The following SLC9A9 variants were observed in gnomAD, a reference collection of about 807,000 sequenced individuals.
SLC9A9 encodes sodium/hydrogen exchanger 9.
In SLC9A9, 62 loss-of-function variants were observed where a neutral mutation model predicts 77.8. The ratio of observed to expected loss-of-function variants is 0.80; its 90% CI spans 0.65 to 0.98. The LOEUF (loss-of-function observed/expected upper bound fraction) is 0.98, where lower values mean the gene tolerates loss of function less well. Among genes scored for constraint, SLC9A9 ranks in the 50% least tolerant of loss-of-function variants. The probability of loss-of-function intolerance (pLI) is 0.00; values close to 1 mark genes in which losing one functional copy is unlikely to be tolerated. For missense variants in SLC9A9, 775 were observed against 774.9 expected (o/e 1.00, Z 0.00); for synonymous variants, 320 against 283.5 (o/e 1.13, Z -1.29).
At chr3:143,777,990 G>A (rs921860747) in intron 4 of SLC9A9, among the ~76,000 whole-genome samples, 1 of 123,586 alleles carries the variant, frequency 8.1e-6, no homozygotes, top group Non-Finnish European at 1.6e-5. Flanking sequence ...TGGGATTACA[G>A]GCATGAGCCA....
At chr3:143,546,554 G>A (rs1476256208) in intron 9 of SLC9A9, among the ~76,000 whole-genome samples, 4 of 152,062 alleles carry the variant, frequency 2.6e-5, no homozygotes, top group Non-Finnish European at 4.4e-5. Flanking sequence ...TAATAAATAC[G>A]GCCAAACATC....
intron 4 of SLC9A9, among the ~76,000 whole-genome samples, chr3:143,774,306 T>C (rs2007622436): frequency 6.6e-6 from 1 of 152,206 alleles, no homozygotes; most frequent in African/African-American, 2.4e-5. Flanking sequence ...GGCCCAGTGA[T>C]ATATTTTATT....
At chr3:143,711,859 G>T (rs1393858311) in intron 4 of SLC9A9, among the ~76,000 whole-genome samples, 3 of 152,218 alleles carry the variant, frequency 2.0e-5, no homozygotes, top group African/African-American at 7.2e-5. Context: ...TTATTCACAA[G>T]TGTCTCTGAC....
intron 2 of SLC9A9, among the ~76,000 whole-genome samples, chr3:143,811,287 G>A (rs767989998): frequency 2.6e-5 from 4 of 152,222 alleles, no homozygotes; most frequent in African/African-American, 4.8e-5. Context: ...GCTCAAGTGT[G>A]TGCATTTCTT....
In SLC9A9 at chr3:143,449,693, AT is replaced by A. The variant is rs2034943296; in HGVS notation, c.1469+17343del. Among the ~76,000 whole-genome samples the A allele has an allele frequency of 4.3e-5, 2 of 46,554 alleles. 1 individual carries two copies. The highest frequency in any genetic ancestry group is 6.6e-5 in the Non-Finnish European group (2 of 30,464). The allele number at this position is 46,554 out of a possible 152,430, so 30.5% of individuals were successfully genotyped here. ...ATATTATATAATTATATAAAATATA[AT>A]TATATTATATAATTATATAAAATAT... On this transcript the variant is annotated intron_variant, in intron 12 of 15. Transcript: ENST00000316549.
chr3:143,383,135 C>G (rs2033342759), intron 12 of SLC9A9, among the ~76,000 whole-genome samples: 1 of 152,178 alleles, frequency 6.6e-6, no homozygotes. Context: ...ATGAAAACTG[C>G]ATTTTATACA....
At chr3:143,418,892 T>A (rs752964627) in intron 12 of SLC9A9, among the ~76,000 whole-genome samples, 13 of 152,180 alleles carry the variant, frequency 8.5e-5, no homozygotes, top group Non-Finnish European at 1.8e-4. Context: ...CAGGGATGTG[T>A]GCCCACTGTG....
chr3:143,511,386 T>C (rs982865979), intron 9 of SLC9A9, among the ~76,000 whole-genome samples: 1 of 152,210 alleles, frequency 6.6e-6, no homozygotes, highest in Admixed American at 6.5e-5. Flanking sequence ...CTCTCAGTTA[T>C]GCAGTCCCTC....
intron 14 of SLC9A9, among the ~76,000 whole-genome samples, chr3:143,328,170 C>T (rs1461008955): frequency 6.6e-6 from 1 of 152,164 alleles, no homozygotes; most frequent in East Asian, 1.9e-4. Flanking sequence ...GAATGCATAA[C>T]ACAACCTCAA....
rs916556523 is a variant in SLC9A9, at chr3:143,334,159, A to G, written c.1604+29325T>C. On this transcript the variant is annotated intron_variant, in intron 14 of 15. Coordinates refer to ENST00000316549, the MANE Select transcript of SLC9A9 (RefSeq NM_173653.4). ...TTTGAAAATCCAAAATCCAATTTTG[A>G]TCCTGTACATGTCTGGAAAAACTGG... Among the ~76,000 whole-genome samples the G allele has an allele frequency of 2.6e-5, 4 of 152,214 alleles. No individual in the cohort carries two copies. In the East Asian group the frequency reaches 7.7e-4, roughly 29 times the overall value.
intron 14 of SLC9A9, among the ~76,000 whole-genome samples, chr3:143,308,044 G>A (rs550899263): frequency 6.6e-6 from 1 of 152,284 alleles, no homozygotes; most frequent in Admixed American, 6.5e-5. Flanking sequence ...TCCCAAAGGG[G>A]TTTTGAAACC....
chr3:143,377,226 C>T (rs115958032), intron 13 of SLC9A9, among the ~76,000 whole-genome samples: 1 of 152,150 alleles, frequency 6.6e-6, no homozygotes, highest in Non-Finnish European at 1.5e-5. Flanking sequence ...ATCAATTGTG[C>T]AAAAGAACAA....
intron 4 of SLC9A9, among the ~76,000 whole-genome samples, chr3:143,761,584 G>GA (rs1483439997): frequency 6.6e-6 from 1 of 152,076 alleles, no homozygotes; most frequent in African/African-American, 2.4e-5. Flanking sequence ...CAACAGACAT[G>GA]AAAAAATCTT....
intron 9 of SLC9A9, among the ~76,000 whole-genome samples, chr3:143,532,882 C>G (rs886490366): frequency 6.6e-6 from 1 of 152,224 alleles, no homozygotes; most frequent in African/African-American, 2.4e-5. Flanking sequence ...TTCTTGCCAA[C>G]GCCTTTTGCC....
intron 14 of SLC9A9, among the ~76,000 whole-genome samples, chr3:143,300,511 G>T (rs1177375035): frequency 6.6e-6 from 1 of 152,206 alleles, no homozygotes; most frequent in Non-Finnish European, 1.5e-5. Context: ...GATGCCTGGG[G>T]ATGTTGTTAT....
intron 12 of SLC9A9, among the ~76,000 whole-genome samples, chr3:143,423,396 G>A (rs1047951831): frequency 1.3e-5 from 2 of 151,904 alleles, no homozygotes; most frequent in Admixed American, 1.3e-4. Flanking sequence ...AAGGAACCAG[G>A]GATCCTCAAC....
At chr3:143,678,918 A>G (rs1456540154) in intron 5 of SLC9A9, among the ~76,000 whole-genome samples, 1 of 152,196 alleles carries the variant, frequency 6.6e-6, no homozygotes, top group Non-Finnish European at 1.5e-5. Context: ...CACAAAGTCA[A>G]TGATGAAGAA....
intron 6 of SLC9A9, among the ~76,000 whole-genome samples, chr3:143,630,984 T>C (rs1261251614): frequency 1.3e-5 from 2 of 152,172 alleles, no homozygotes; most frequent in East Asian, 3.8e-4. Context: ...CTCAGATTCA[T>C]ATCAATTGCA....
chr3:143,473,150 C>T (rs2035408770), intron 11 of SLC9A9, among the ~76,000 whole-genome samples: 1 of 152,210 alleles, frequency 6.6e-6, no homozygotes, highest in South Asian at 2.1e-4. Flanking sequence ...TCATTTCCCA[C>T]TGCACCACCT....
Sources: gnomAD v4.1 joint callset for allele counts (sites outside exome capture counted in the v4.1 genomes callset) on GRCh38, gnomAD v4.1.1 for gene constraint, MANE v1.5 for transcripts, NCBI Gene and HGNC (gene_info 2026-07-23, HGNC 2026-07-21) for gene names.